The following GPR101 variants were observed in gnomAD, a reference collection of about 807,000 sequenced individuals.
The protein encoded by GPR101 is probable G protein-coupled receptor 101.
Under a neutral mutation model 16.4 loss-of-function variants are expected in GPR101, and 8 were observed. The observed-to-expected ratio is 0.49, with a 90% CI of 0.29 to 0.88. The LOEUF is 0.88. GPR101 is among the 40% of genes least tolerant of loss of function. GPR101 has a pLI of 0.09. For synonymous variants in GPR101, 155 were observed against 168.7 expected (o/e 0.92, Z 0.63); for missense variants, 375 against 411.7 (o/e 0.91, Z 0.77).
intron 1 of GPR101, among the ~76,000 whole-genome samples, chrX:137,032,149 T>C (rs1275083822): frequency 2.7e-5 from 3 of 110,762 alleles, no homozygotes; most frequent in Non-Finnish European, 5.7e-5. Context: ...ACTTTTTTTC[T>C]TTATCTCTCG....
intron 1 of GPR101, among the ~76,000 whole-genome samples, chrX:137,033,412 G>A (rs1175606455): frequency 2.7e-5 from 3 of 109,425 alleles, no homozygotes; most frequent in African/African-American, 1.0e-4. Context: ...GAGAATGTGA[G>A]CAACAGAGAG....
Position 137,024,166 on chromosome X carries a change from T to C in GPR101, c.*5982A>G, listed in dbSNP as rs891722557. On this transcript the variant is annotated 3_prime_UTR_variant, in exon 2 of 2. Coordinates refer to ENST00000651716, the MANE Select transcript of GPR101 (RefSeq NM_054021.2). ...TTAAAGCCAACCAATATGTGAAACC[T>C]TGGCCTTGGGCAGAATCTCTGGGAC... Among the ~76,000 whole-genome samples the C allele has an allele frequency of 8.9e-6, 1 of 112,633 alleles. No individual in the cohort carries two copies. The highest frequency in any genetic ancestry group is 3.2e-5 in the African/African-American group (1 of 30,981).
rs1031329256 is a variant in GPR101 at position 137,025,741 on chromosome X, G to A, written c.*4407C>T. Among the ~76,000 whole-genome samples, 2 of 112,111 alleles carry A rather than the reference G, an allele frequency of 1.8e-5. No homozygotes were observed. The highest frequency in any genetic ancestry group is 3.8e-5 in the Non-Finnish European group (2 of 53,237). On this transcript the variant is annotated 3_prime_UTR_variant, in exon 2 of 2. Coordinates refer to ENST00000651716, the MANE Select transcript of GPR101 (RefSeq NM_054021.2). Reference sequence around the variant, plus strand: ...GGATTCTTATTCTATTTACCAAAGAGCAGTGAACTTGTCAGTGACCTGGCA... The same window carrying A: ...GGATTCTTATTCTATTTACCAAAGAACAGTGAACTTGTCAGTGACCTGGCA...
At position 137,031,752 on chromosome X, in the gene GPR101, C is replaced by T; in HGVS notation, c.-78G>A. ...GGGTGGCAAAGGGGTGCACAGACCG[C>T]ACTCAGTGCCTATGCTGGTGACAAA... On this transcript the variant is annotated 5_prime_UTR_variant, in exon 2 of 2. Transcript: ENST00000651716. 1 of 808,249 alleles carries T rather than the reference C, an allele frequency of 1.2e-6. No homozygotes were observed. Among genetic ancestry groups the T allele is most frequent in the Admixed American group, 3.3e-5 (1 of 30,227 alleles). The allele number at this position is 808,249 out of a possible 1,213,427, so 66.6% of individuals were successfully genotyped here.
rs1473845384 is a variant in GPR101, at chrX:137,029,425, A to G, written c.*723T>C. Among the ~76,000 whole-genome samples the G allele has an allele frequency of 1.8e-5, 2 of 112,224 alleles. No homozygotes were observed. Among genetic ancestry groups the G allele is most frequent in the African/African-American group, 6.5e-5 (2 of 30,835 alleles). On this transcript the variant is annotated 3_prime_UTR_variant, in exon 2 of 2. Transcript: ENST00000651716. The stretch of plus-strand genomic sequence containing the variant: ...CAGTTCCAGCCCATGCATAAACCCA[A>G]GATTTTATAGGAAAAAAAGTCAACT...
At position 137,025,588 on chromosome X, in the gene GPR101, A is replaced by C. The variant is rs1927159166; in HGVS notation, c.*4560T>G. On this transcript the variant is annotated 3_prime_UTR_variant, in exon 2 of 2. Coordinates refer to ENST00000651716, the MANE Select transcript of GPR101 (RefSeq NM_054021.2). ...GATAGAATAATTATTCCTCAGACAT[A>C]GTAAACCTCCTGCTGAGTGTCTAAG... Among the ~76,000 whole-genome samples, 1 of 112,630 alleles carries C rather than the reference A, an allele frequency of 8.9e-6. No individual in the cohort carries two copies.
In GPR101 at chrX:137,030,123, T is replaced by C. The variant is rs1007828142; in HGVS notation, c.*25A>G. On this transcript the variant is annotated 3_prime_UTR_variant, in exon 2 of 2. Coordinates refer to ENST00000651716, the MANE Select transcript of GPR101 (RefSeq NM_054021.2). Reference sequence around the variant, plus strand: ...CTCTTGTTTCTCGTGTTATGGACAGTTCAAGGTTTGCCTTAGAACTAACTT... The same window carrying C: ...CTCTTGTTTCTCGTGTTATGGACAGCTCAAGGTTTGCCTTAGAACTAACTT... The C allele has an allele frequency of 1.8e-6, 2 of 1,141,163 alleles. No individual in the cohort carries two copies. Among genetic ancestry groups the C allele is most frequent in the African/African-American group, 3.6e-5 (2 of 54,972 alleles). The allele number at this position is 1,141,163 out of a possible 1,213,427, so 94.0% of individuals were successfully genotyped here.
rs1417885958 is a variant in GPR101 at position 137,028,062 on chromosome X, A to G, written c.*2086T>C. 8.9e-6 allele frequency among the ~76,000 whole-genome samples: 1 copy of G among 112,515 alleles called. No homozygotes were observed. Among genetic ancestry groups the G allele is most frequent in the African/African-American group, 3.2e-5 (1 of 30,966 alleles). ...CCCAGATATCCTTTAAGGAAAGGTCAGTTCAAGAGTTTGGCAATAAATTGG... is the reference window on the plus strand; with the variant it reads ...CCCAGATATCCTTTAAGGAAAGGTCGGTTCAAGAGTTTGGCAATAAATTGG... On this transcript the variant is annotated 3_prime_UTR_variant, in exon 2 of 2. Coordinates refer to ENST00000651716, the MANE Select transcript of GPR101 (RefSeq NM_054021.2).
rs147502798 is a variant in GPR101, at chrX:137,024,133, G to C, written c.*6015C>G. On this transcript the variant is annotated 3_prime_UTR_variant, in exon 2 of 2. Transcript: ENST00000651716. ...AAAGGCATTGTAACCATTTTAGAAA[G>C]GATCCAATTAAAGCCAACCAATATG... is the stretch of plus-strand genomic sequence containing the variant. 6.2e-5 allele frequency among the ~76,000 whole-genome samples: 7 copies of C among 112,627 alleles called. No individual in the cohort carries two copies. In the East Asian group the frequency reaches 1.9e-3, roughly 31 times the overall value.
In GPR101 at chrX:137,025,003, C is replaced by T. The variant is rs181281006; in HGVS notation, c.*5145G>A. 9.0e-6 allele frequency among the ~76,000 whole-genome samples: 1 copy of T among 111,712 alleles called. No homozygotes were observed. Among genetic ancestry groups the T allele is most frequent in the African/African-American group, 3.3e-5 (1 of 30,762 alleles). ...TTCAGTGAATAGAAAACAGGCACACCAGTGCCAAGTGTGTTGTGGAAAACT... is the reference window on the plus strand; with the variant it reads ...TTCAGTGAATAGAAAACAGGCACACTAGTGCCAAGTGTGTTGTGGAAAACT... On this transcript the variant is annotated 3_prime_UTR_variant, in exon 2 of 2. Coordinates refer to ENST00000651716, the MANE Select transcript of GPR101 (RefSeq NM_054021.2).
At position 137,030,493 on chromosome X, in the gene GPR101, C is replaced by T; in HGVS notation, c.1182G>A (p.Gln394=). Residue 394 remains glutamine, a synonymous_variant, in exon 2 of 2, where the codon CAG becomes CAA. Coordinates refer to ENST00000651716, the MANE Select transcript of GPR101 (RefSeq NM_054021.2). ...TGAAGATCACTTTAGCAGCTTTGCA[C>T]TGGTAGCACCTGGGCAGAGGAGGGT... ...NSNPPLPRCY[Q]CKAAKVIFII... 1 of 1,210,471 alleles carries T rather than the reference C, an allele frequency of 8.3e-7. No individual in the cohort carries two copies. Among genetic ancestry groups the T allele is most frequent in the Non-Finnish European group, 1.1e-6 (1 of 894,974 alleles).
rs34085967 is a variant in GPR101, at chrX:137,027,295, AT to A, written c.*2852del. Among the ~76,000 whole-genome samples, 22,718 of 94,357 alleles carry A rather than the reference AT, an allele frequency of 0.24. 2,414 individuals are homozygous for A. Among genetic ancestry groups the A allele is most frequent in the East Asian group, 0.52 (1,571 of 3,013 alleles). The allele number at this position is 94,357 out of a possible 115,157, so 81.9% of individuals were successfully genotyped here. ...TGTCTGGCCCCTGTACTTTAATGGG[AT>A]TTTTTTTTTTTTTTTTACTGCACAT... On this transcript the variant is annotated 3_prime_UTR_variant, in exon 2 of 2. Coordinates refer to ENST00000651716, the MANE Select transcript of GPR101 (RefSeq NM_054021.2).
In GPR101 at chrX:137,030,230, T is replaced by A; in HGVS notation, c.1445A>T (p.Asp482Val). Residue 482 changes from aspartate to valine, a missense_variant, in exon 2 of 2, where the codon GAT (aspartate) becomes GTT (valine). Asp to Val is a radical substitution (Grantham distance 152). Transcript: ENST00000651716. ...TGTTCCGGGCAGGTCTGGGTGGCTA[T>A]CTTCTTTCGGGGGCTTTTCCTTGCA... is the stretch of plus-strand genomic sequence containing the variant. Reference protein sequence around the residue: ...FFCKEKPPKEDSHPDLPGTEG... With the variant: ...FFCKEKPPKEVSHPDLPGTEG... 1 of 1,210,871 alleles carries A rather than the reference T, an allele frequency of 8.3e-7. No homozygotes were observed. Among genetic ancestry groups the A allele is most frequent in the Non-Finnish European group, 1.1e-6 (1 of 895,073 alleles).
Position 137,033,668 on chromosome X carries a change from C to T in GPR101, c.-93+134G>A, listed in dbSNP as rs1001971838. On this transcript the variant is annotated intron_variant, in intron 1 of 1. Transcript: ENST00000651716. Reference sequence around the variant, plus strand: ...TGGCTAGGGAAAGGCGAGAAGGGGCCGCACCGCGGGCCACCGCGCCTGGTA... The same window carrying T: ...TGGCTAGGGAAAGGCGAGAAGGGGCTGCACCGCGGGCCACCGCGCCTGGTA... 2.7e-5 allele frequency among the ~76,000 whole-genome samples: 3 copies of T among 112,146 alleles called. No individual in the cohort carries two copies. The Admixed American group carries it at 2.8e-4, about 10-fold the overall frequency.
At position 137,026,848 on chromosome X, in the gene GPR101, C is replaced by T. The variant is rs1927175908; in HGVS notation, c.*3300G>A. ...GCTCCTATGGCTCACTTCTCTCCTTCCCTGCTTCCATAGGCCCCCAGGTCC... is the reference window on the plus strand; with the variant it reads ...GCTCCTATGGCTCACTTCTCTCCTTTCCTGCTTCCATAGGCCCCCAGGTCC... On this transcript the variant is annotated 3_prime_UTR_variant, in exon 2 of 2. Transcript: ENST00000651716. Among the ~76,000 whole-genome samples the T allele has an allele frequency of 9.0e-6, 1 of 111,076 alleles. No homozygotes were observed. The highest frequency in any genetic ancestry group is 1.9e-5 in the Non-Finnish European group (1 of 53,066).
chrX:137,024,027 ATACT>A lies in GPR101; in HGVS notation c.*6117_*6120del, dbSNP rs1230540305. Among the ~76,000 whole-genome samples, 1 of 112,271 alleles carries A rather than the reference ATACT, an allele frequency of 8.9e-6. No homozygotes were observed. Among genetic ancestry groups the A allele is most frequent in the African/African-American group, 3.2e-5 (1 of 30,895 alleles). On this transcript the variant is annotated 3_prime_UTR_variant, in exon 2 of 2. Coordinates refer to ENST00000651716, the MANE Select transcript of GPR101 (RefSeq NM_054021.2). Reference sequence around the variant, plus strand: ...TAAGAAACACAAACATCACTTAATAATACTTAGTTAAATCACAAACATCAATTTC... The same window carrying A: ...TAAGAAACACAAACATCACTTAATAATAGTTAAATCACAAACATCAATTTC...
chrX:137,033,657 C>A (rs923337638), intron 1 of GPR101, among the ~76,000 whole-genome samples, 145 bp downstream of exon 1: 1 of 112,210 alleles, frequency 8.9e-6, no homozygotes. Flanking sequence ...TAGGGAAAGG[C>A]GAGAAGGGGC....
In GPR101 at chrX:137,024,549, T is replaced by C. The variant is rs1927139139; in HGVS notation, c.*5599A>G. On this transcript the variant is annotated 3_prime_UTR_variant, in exon 2 of 2. Transcript: ENST00000651716. ...TTTAATGAGGGTATATATAGTTTTT[T>C]AGTTGTAATATTTTGTTCTGAAAAT... is the stretch of plus-strand genomic sequence containing the variant. Among the ~76,000 whole-genome samples the C allele has an allele frequency of 8.9e-6, 1 of 112,266 alleles. No individual in the cohort carries two copies. Among genetic ancestry groups the C allele is most frequent in the African/African-American group, 3.2e-5 (1 of 30,878 alleles).
chrX:137,033,688 C>A (rs1195797629), intron 1 of GPR101, among the ~76,000 whole-genome samples, 114 bp downstream of exon 1: 2 of 112,452 alleles, frequency 1.8e-5, no homozygotes, highest in Non-Finnish European at 3.8e-5. Context: ...GCCACCGCGC[C>A]TGGTAGCTCA....
Sources: gnomAD v4.1 joint callset for allele counts (sites outside exome capture counted in the v4.1 genomes callset) on GRCh38, gnomAD v4.1.1 for gene constraint, MANE v1.5 for transcripts, NCBI Gene and HGNC (gene_info 2026-07-23, HGNC 2026-07-21) for gene names.